Variants in CCSER1 observed in about 807,000 individuals in gnomAD.
The protein encoded by CCSER1 is serine-rich coiled-coil domain-containing protein 1.
In CCSER1, 41 loss-of-function variants were observed where a neutral mutation model predicts 82.0. The ratio of observed to expected loss-of-function variants is 0.50; its 90% confidence interval spans 0.39 to 0.65. The LOEUF is 0.65. CCSER1 is among the 30% of genes least tolerant of loss of function. The pLI is 0.00. For synonymous variants in CCSER1, 414 were observed against 383.9 expected (o/e 1.08, Z -0.92); for missense variants, 1,119 against 1,064.2 (o/e 1.05, Z -0.72).
chr4:90,768,867 G>T (rs1194268869), intron 7 of CCSER1, among the ~76,000 whole-genome samples: 1 of 152,156 alleles, frequency 6.6e-6, no homozygotes, highest in Non-Finnish European at 1.5e-5. Flanking sequence ...TAAATTAAAG[G>T]AAGGATTGTT....
intron 8 of CCSER1, among the ~76,000 whole-genome samples, chr4:90,827,593 T>C (rs562522431): frequency 5.2e-4 from 79 of 151,834 alleles, no homozygotes; most frequent in African/African-American, 1.8e-3. Flanking sequence ...TTTAATGTCA[T>C]TTTAGTAATC....
At chr4:91,553,066 C>T (rs56073148) in intron 10 of CCSER1, among the ~76,000 whole-genome samples, 10,686 of 151,320 alleles carry the variant, frequency 0.071, 668 homozygotes, top group South Asian at 0.16. Flanking sequence ...TGTTGAGAGA[C>T]GTATATTCTA....
At chr4:90,553,044 C>T (rs1190333047) in intron 5 of CCSER1, among the ~76,000 whole-genome samples, 1 of 151,252 alleles carries the variant, frequency 6.6e-6, no homozygotes, top group Non-Finnish European at 1.5e-5. Context: ...AATCTCGGCT[C>T]ACTGCAACCT....
At chr4:90,693,981 G>A (rs1001235351) in intron 6 of CCSER1, among the ~76,000 whole-genome samples, 1 of 151,850 alleles carries the variant, frequency 6.6e-6, no homozygotes, top group Non-Finnish European at 1.5e-5. Context: ...TAATTTAGTT[G>A]TCAGAACAAG....
chr4:90,348,227 A>G (rs1052354035), intron 3 of CCSER1, among the ~76,000 whole-genome samples: 4 of 152,204 alleles, frequency 2.6e-5, no homozygotes, highest in African/African-American at 9.7e-5. Context: ...GTGCACGTTT[A>G]CCTATGTAAC....
At chr4:91,465,884 C>T (rs970655256) in intron 10 of CCSER1, among the ~76,000 whole-genome samples, 1 of 152,088 alleles carries the variant, frequency 6.6e-6, no homozygotes, top group Non-Finnish European at 1.5e-5. Flanking sequence ...CAAAAAAAGT[C>T]CAGGACCAGA....
chr4:91,262,929 C>T (rs10028174), intron 10 of CCSER1, among the ~76,000 whole-genome samples: 20,647 of 151,772 alleles, frequency 0.14, 1,662 homozygotes, highest in South Asian at 0.25. Context: ...CTCACTTTAC[C>T]TTTAGATTCC....
intron 1 of CCSER1, among the ~76,000 whole-genome samples, chr4:90,300,528 G>T (rs76026325): frequency 1.3e-5 from 2 of 152,004 alleles, no homozygotes; most frequent in Non-Finnish European, 2.9e-5. Flanking sequence ...GCATGTGTGC[G>T]TAAAAAGTAA....
At chr4:91,434,660 T>C (rs1441998543) in intron 10 of CCSER1, among the ~76,000 whole-genome samples, 4 of 152,242 alleles carry the variant, frequency 2.6e-5, no homozygotes, top group Non-Finnish European at 4.4e-5. Context: ...TTTTCTGTTT[T>C]ATCTATTTTA....
intron 10 of CCSER1, among the ~76,000 whole-genome samples, chr4:91,107,639 CTTTT>C (rs55901052): frequency 2.3e-4 from 31 of 136,308 alleles, no homozygotes; most frequent in African/African-American, 4.6e-4. Context: ...TTCTTTTTCT[CTTTT>C]TTTTTTTTTT....
chr4:91,102,278 T>G (rs1725145104), intron 10 of CCSER1, among the ~76,000 whole-genome samples: 1 of 137,854 alleles, frequency 7.3e-6, no homozygotes, highest in African/African-American at 2.5e-5. Context: ...GGAAGATATT[T>G]TGTAAGATGT....
intron 10 of CCSER1, among the ~76,000 whole-genome samples, chr4:91,513,200 G>A (rs1056859721): frequency 1.3e-5 from 2 of 152,090 alleles, no homozygotes; most frequent in African/African-American, 4.8e-5. Flanking sequence ...TTTAATGAGA[G>A]CTTTTTATGC....
At chr4:91,471,928 C>T (rs1192481079) in intron 10 of CCSER1, among the ~76,000 whole-genome samples, 1 of 143,724 alleles carries the variant, frequency 7.0e-6, no homozygotes, top group Non-Finnish European at 1.5e-5. Context: ...TGAGATCGTG[C>T]CACTGCACTC....
At chr4:90,949,783 C>G (rs548328566) in intron 9 of CCSER1, among the ~76,000 whole-genome samples, 1 of 152,030 alleles carries the variant, frequency 6.6e-6, no homozygotes, top group Non-Finnish European at 1.5e-5. Context: ...AAGTAGCAGA[C>G]TCTAGAATTA....
rs553230581 is a variant in CCSER1 at position 91,535,308 on chromosome 4, A to T, written c.2218-63264A>T. On this transcript the variant is annotated intron_variant, in intron 10 of 10. Transcript: ENST00000509176. ...TATTTGGTGAAATTTTTATTAATTT[A>T]ACCAAAAAAACTTTCAGTAATATTT... Among the ~76,000 whole-genome samples, 5 of 152,172 alleles carry T rather than the reference A, an allele frequency of 3.3e-5. No homozygotes were observed. In the South Asian group the frequency reaches 1.0e-3, roughly 32 times the overall value.
At chr4:90,805,883 A>G (rs1188165887) in intron 7 of CCSER1, among the ~76,000 whole-genome samples, 1 of 152,212 alleles carries the variant, frequency 6.6e-6, no homozygotes, top group Admixed American at 6.5e-5. Flanking sequence ...TTCATTCTAC[A>G]CATCAATATG....
intron 5 of CCSER1, among the ~76,000 whole-genome samples, chr4:90,495,937 T>C (rs922760054): frequency 1.3e-5 from 2 of 152,198 alleles, no homozygotes; most frequent in Non-Finnish European, 2.9e-5. Flanking sequence ...TGAATTAAAG[T>C]CAATTCATGT....
intron 9 of CCSER1, among the ~76,000 whole-genome samples, chr4:91,010,984 T>C (rs956192356): frequency 3.7e-5 from 5 of 134,764 alleles, no homozygotes; most frequent in African/African-American, 1.2e-4. Context: ...TTTCTTTGTT[T>C]CTCATGTTTT....
At chr4:90,622,737 G>T (rs1402635753) in intron 5 of CCSER1, among the ~76,000 whole-genome samples, 2 of 152,068 alleles carry the variant, frequency 1.3e-5, no homozygotes, top group Admixed American at 6.5e-5. Context: ...ACGTGTGCAT[G>T]TGTCTTTATA....
Sources: allele counts gnomAD v4.1 joint callset (sites outside exome capture counted in the v4.1 genomes callset), GRCh38; gene constraint gnomAD v4.1.1; transcripts MANE v1.5; gene names NCBI Gene and HGNC (gene_info 2026-07-23, HGNC 2026-07-21).